ANKRA2: variants seen among roughly 807,000 people sequenced by gnomAD.
ANKRA2 encodes ankyrin repeat family A member 2.
In ANKRA2, 33 loss-of-function variants were observed where a neutral mutation model predicts 37.8. The observed-to-expected ratio is 0.87, with a 90% CI of 0.66 to 1.17. The LOEUF is 1.17. Among genes scored for constraint, ANKRA2 ranks in the 50% most tolerant of loss-of-function variants. The pLI is 0.00. For missense variants in ANKRA2, 326 were observed against 373.7 expected, an observed-to-expected ratio of 0.87 and a Z score of 1.05; for synonymous variants, 126 against 132.3, an observed-to-expected ratio of 0.95 and a Z score of 0.33.
intron 6 of ANKRA2, 64 bp from the exon 7 acceptor site, chr5:73,554,452 G>A: frequency 8.6e-7 from 1 of 1,157,532 alleles, no homozygotes; most frequent in Non-Finnish European, 1.3e-6. Context: ...ATTTAATGCT[G>A]CTGTAAGAAG....
intron 4 of ANKRA2, among the ~76,000 whole-genome samples, chr5:73,556,191 G>C (rs750125801): frequency 6.6e-6 from 1 of 152,166 alleles, no homozygotes; most frequent in South Asian, 2.1e-4. Context: ...CTGAAATACA[G>C]TACCATGCAA....
Position 73,552,865 on chromosome 5 carries a change from G to T in ANKRA2, c.887-13C>A. On this transcript the variant is annotated splice_polypyrimidine_tract_variant and intron_variant, in intron 8 of 8. Coordinates refer to ENST00000296785, the MANE Select transcript of ANKRA2 (RefSeq NM_023039.5). ...ATAACCTGTTGAACTAGAACAGATA[G>T]GTAATCAAGATTACAGCACAGTGAC... The T allele has an allele frequency of 6.3e-7, 1 of 1,586,590 alleles. No individual in the cohort carries two copies.
intron 1 of ANKRA2, among the ~76,000 whole-genome samples, chr5:73,564,303 A>C (rs1236116495): frequency 6.6e-6 from 1 of 152,194 alleles, no homozygotes; most frequent in African/African-American, 2.4e-5. Flanking sequence ...TCTCCTATCC[A>C]GCGGTTGGCT....
At position 73,562,816 on chromosome 5, in the gene ANKRA2, A is replaced by C; in HGVS notation, c.66T>G (p.Tyr22Ter). The C allele has an allele frequency of 6.2e-7, 1 of 1,614,154 alleles. No individual in the cohort carries two copies. The highest frequency in any genetic ancestry group is 8.5e-7 in the Non-Finnish European group (1 of 1,180,012). Residue 22 changes from tyrosine (Y) to a stop codon, truncating the protein, a stop_gained, in exon 2 of 9, where the codon TAT becomes TAG. Coordinates refer to ENST00000296785, the MANE Select transcript of ANKRA2 (RefSeq NM_023039.5). LOFTEE classifies it high-confidence loss of function. ...QLIVEECPSTYSLTGMPDIKI... is the reference protein window; with the variant it reads ...QLIVEECPST ...TAATGTCTGGCATGCCAGTTAGGCT[A>C]TAAGTGCTGGGACACTCTTCCACGA...
intron 5 of ANKRA2, 168 bp from the exon 6 acceptor site, chr5:73,555,154 A>T (rs1747365074): frequency 7.0e-7 from 1 of 1,425,432 alleles, no homozygotes; most frequent in East Asian, 2.6e-5. Flanking sequence ...GATTGCCTGG[A>T]TGCCTTCCTT....
At chr5:73,555,314 G>A (rs952473045) in intron 5 of ANKRA2, 174 bp downstream of exon 5, 6 of 1,240,382 alleles carry the variant, frequency 4.8e-6, no homozygotes, top group Non-Finnish European at 6.5e-6. Context: ...ACTGTTGCAT[G>A]TATGATTAGT....
intron 2 of ANKRA2, among the ~76,000 whole-genome samples, chr5:73,562,048 A>T (rs1747571112): frequency 6.6e-6 from 1 of 151,924 alleles, no homozygotes; most frequent in Non-Finnish European, 1.5e-5. Flanking sequence ...ACAGAGTCTC[A>T]CTCTGTCACC....
At chr5:73,557,748 A>G in intron 3 of ANKRA2, 108 bp from the exon 4 acceptor site, 1 of 687,774 alleles carries the variant, frequency 1.5e-6, no homozygotes, top group African/African-American at 1.9e-5. Flanking sequence ...CAAAAACTAC[A>G]ATTTTATTGT....
chr5:73,555,277 A>T, intron 5 of ANKRA2: 1 of 1,199,612 alleles, frequency 8.3e-7, no homozygotes, highest in Non-Finnish European at 1.1e-6. Flanking sequence ...TGGGATGTAG[A>T]GGGGTCTGGG....
In ANKRA2 at chr5:73,562,928, C is replaced by T; in HGVS notation, c.-47G>A. The T allele has an allele frequency of 1.3e-6, 2 of 1,524,560 alleles. No homozygotes were observed. The highest frequency in any genetic ancestry group is 8.8e-7 in the Non-Finnish European group (1 of 1,130,578). 94.4% of individuals were successfully genotyped at this position (1,524,560 alleles called of 1,614,324 possible). A position where few individuals can be genotyped will look rare whatever the true frequency, so the allele number is the denominator to read the frequency against. On this transcript the variant is annotated 5_prime_UTR_variant, in exon 2 of 9. Coordinates refer to ENST00000296785, the MANE Select transcript of ANKRA2 (RefSeq NM_023039.5). Reference sequence around the variant, plus strand: ...AACTAAAACATTTCTTCATGATTTCCTCTTGGTTTTGTAAGAGCAGTATCC... The same window carrying T: ...AACTAAAACATTTCTTCATGATTTCTTCTTGGTTTTGTAAGAGCAGTATCC...
chr5:73,561,439 T>C (rs1246665627), intron 2 of ANKRA2, 151 bp from the exon 3 acceptor site: 7 of 765,960 alleles, frequency 9.1e-6, no homozygotes, highest in Non-Finnish European at 1.4e-5. Context: ...TTAAAGTCCA[T>C]ACTTCCTTGT....
At chr5:73,562,486 A>C in intron 2 of ANKRA2, 107 bp downstream of exon 2, 1 of 1,064,224 alleles carries the variant, frequency 9.4e-7, no homozygotes, top group Non-Finnish European at 1.3e-6. Flanking sequence ...CATATTAAAA[A>C]ATGACTTCTA....
chr5:73,553,324 T>C (rs1424168017), intron 8 of ANKRA2, 82 bp downstream of exon 8: 7 of 1,017,398 alleles, frequency 6.9e-6, no homozygotes, highest in Admixed American at 2.5e-5. Flanking sequence ...AGGATTACAG[T>C]GATAAAGATG....
intron 2 of ANKRA2, 50 bp from the exon 3 acceptor site, chr5:73,561,338 C>T: frequency 6.6e-7 from 1 of 1,522,668 alleles, no homozygotes; most frequent in South Asian, 1.2e-5. Context: ...AGTAAGAGTT[C>T]TATGTCAATG....
chr5:73,561,619 T>C (rs1047194246), intron 2 of ANKRA2, among the ~76,000 whole-genome samples: 4 of 151,832 alleles, frequency 2.6e-5, no homozygotes, highest in Non-Finnish European at 5.9e-5. Flanking sequence ...TACAAAAAAT[T>C]AGCCGGGCTT....
chr5:73,554,301 T>G, intron 7 of ANKRA2, 21 bp downstream of exon 7: 1 of 1,607,402 alleles, frequency 6.2e-7, no homozygotes, highest in Non-Finnish European at 8.5e-7. Context: ...CATGGCATTT[T>G]CTAAATTTTT....
chr5:73,554,306 A>G lies in ANKRA2; in HGVS notation c.805+16T>C, dbSNP rs1225328801. On this transcript the variant is annotated intron_variant, in intron 7 of 8. Coordinates refer to ENST00000296785, the MANE Select transcript of ANKRA2 (RefSeq NM_023039.5). Reference sequence around the variant, plus strand: ...CAAGTCCTCACATGGCATTTTCTAAATTTTTATCTGCTTACCTAAGAGCAT... The same window carrying G: ...CAAGTCCTCACATGGCATTTTCTAAGTTTTTATCTGCTTACCTAAGAGCAT... The G allele has an allele frequency of 6.2e-7, 1 of 1,610,348 alleles. No homozygotes were observed. Among genetic ancestry groups the G allele is most frequent in the South Asian group, 1.1e-5 (1 of 90,902 alleles).
At chr5:73,553,526 T>G in intron 7 of ANKRA2, 40 bp from the exon 8 acceptor site, 1 of 1,518,960 alleles carries the variant, frequency 6.6e-7, no homozygotes, top group Non-Finnish European at 9.1e-7. Flanking sequence ...GAAATGAAAA[T>G]GCAGATATGT....
rs1312856383 is a variant in ANKRA2, at chr5:73,565,638, GC to G, written c.-612del. On this transcript the variant is annotated 5_prime_UTR_variant, in exon 1 of 9. Transcript: ENST00000296785. ...GTTCTGGGTCACCAGAGCAGAGGAA[GC>G]CCCAATTTCGCCCTCCGGTCACACC... 3 of 404,124 alleles carry G rather than the reference GC, an allele frequency of 7.4e-6. No individual in the cohort carries two copies. The highest frequency in any genetic ancestry group is 4.1e-5 in the African/African-American group (2 of 48,830). The allele number at this position is 404,124 out of a possible 1,614,324, so 25.0% of individuals were successfully genotyped here.
Sources: allele counts gnomAD v4.1 joint callset (sites outside exome capture counted in the v4.1 genomes callset), GRCh38; gene constraint gnomAD v4.1.1; transcripts MANE v1.5; gene names NCBI Gene and HGNC (gene_info 2026-07-23, HGNC 2026-07-21).